The following MAF variants were observed in gnomAD, a reference collection of about 807,000 sequenced individuals.
MAF encodes MAF bZIP transcription factor, also known as transcription factor Maf.
Under a neutral mutation model 22.0 loss-of-function variants are expected in MAF, and 10 were observed. The observed-to-expected ratio is 0.45, with a 90% CI of 0.28 to 0.77. The LOEUF (loss-of-function observed/expected upper bound fraction) is 0.77. Ranked by LOEUF, MAF falls within the 30% of genes least tolerant of loss-of-function variation. The pLI, the probability that MAF is intolerant of heterozygous loss-of-function variation, is 0.12. For synonymous variants in MAF, 337 were observed against 255.8 expected, an observed-to-expected ratio of 1.32 and a Z score of -3.03; for missense variants, 544 against 548.4, an observed-to-expected ratio of 0.99 and a Z score of 0.08.
At chr16:79,578,369 G>T in the MAF span, among the ~76,000 whole-genome samples, 19 of 151,968 alleles carry the variant, frequency 1.3e-4, 1 homozygote, top group African/African-American at 4.6e-4. Flanking sequence ...GAATCCAAAG[G>T]CTAAATGCCC....
the MAF span, among the ~76,000 whole-genome samples, chr16:79,401,180 C>A: frequency 6.6e-6 from 1 of 152,248 alleles, no homozygotes. Flanking sequence ...CCTTGCTCCA[C>A]TGCCTATTCT....
the MAF span, among the ~76,000 whole-genome samples, chr16:79,504,320 C>A: frequency 4.6e-5 from 7 of 152,172 alleles, no homozygotes; most frequent in Non-Finnish European, 8.8e-5. Context: ...ACTACCTGTC[C>A]CCACCACTCA....
the MAF span, among the ~76,000 whole-genome samples, chr16:79,568,118 G>C: frequency 6.6e-6 from 1 of 152,204 alleles, no homozygotes; most frequent in Non-Finnish European, 1.5e-5. Flanking sequence ...GGTGGGGGAA[G>C]AGGGAGTCTG....
At chr16:79,407,224 C>T in the MAF span, among the ~76,000 whole-genome samples, 4 of 152,120 alleles carry the variant, frequency 2.6e-5, no homozygotes, top group Non-Finnish European at 4.4e-5. Context: ...GTGTCCTGGA[C>T]GCGTTGCGCA....
chr16:79,208,364 G>A, the MAF span, among the ~76,000 whole-genome samples: 1 of 139,718 alleles, frequency 7.2e-6, no homozygotes, highest in South Asian at 2.3e-4. Context: ...ACAGGCTTCT[G>A]ATAAATGATT....
the MAF span, among the ~76,000 whole-genome samples, chr16:79,545,547 T>C: frequency 2.6e-5 from 4 of 151,390 alleles, no homozygotes; most frequent in Admixed American, 6.6e-5. Context: ...AAGATTTCAA[T>C]AGAAAATCGT....
chr16:79,368,379 G>T, the MAF span, among the ~76,000 whole-genome samples: 1 of 152,112 alleles, frequency 6.6e-6, no homozygotes. Flanking sequence ...ATCAGGAAAA[G>T]ATCTGAGGCC....
At chr16:79,421,225 C>A in the MAF span, among the ~76,000 whole-genome samples, 1 of 152,240 alleles carries the variant, frequency 6.6e-6, no homozygotes, top group Non-Finnish European at 1.5e-5. Flanking sequence ...CAGGCATCCA[C>A]TGCAGGTCTC....
the MAF span, among the ~76,000 whole-genome samples, chr16:79,479,904 C>T: frequency 3.3e-5 from 5 of 152,164 alleles, no homozygotes; most frequent in African/African-American, 4.8e-5. Context: ...TGAACCAGGC[C>T]TTTACAGCCC....
chr16:79,464,136 G>A, the MAF span, among the ~76,000 whole-genome samples: 9 of 152,144 alleles, frequency 5.9e-5, no homozygotes, highest in African/African-American at 1.9e-4. Flanking sequence ...GAGGAACAAG[G>A]TCTTAAGGCT....
chr16:79,374,835 CA>C, the MAF span, among the ~76,000 whole-genome samples: 2 of 152,210 alleles, frequency 1.3e-5, no homozygotes, highest in Non-Finnish European at 1.5e-5. Context: ...TCAGAAAACA[CA>C]GTCCGTAACA....
chr16:79,595,122 A>AG (rs1261502908), intron 1 of MAF: 5 of 1,013,302 alleles, frequency 4.9e-6, no homozygotes, highest in Non-Finnish European at 4.7e-6. Flanking sequence ...AGTTGTGATG[A>AG]GGAAAAAAAA....
chr16:79,409,977 T>C, the MAF span, among the ~76,000 whole-genome samples: 2 of 152,206 alleles, frequency 1.3e-5, no homozygotes, highest in Non-Finnish European at 2.9e-5. Context: ...CATACCTCTA[T>C]ATTTGAGTCC....
chr16:79,281,253 T>C, the MAF span, among the ~76,000 whole-genome samples: 3 of 146,092 alleles, frequency 2.1e-5, no homozygotes, highest in African/African-American at 5.0e-5. Context: ...TGGAGGGTAA[T>C]GAGCAAAGGG....
the MAF span, among the ~76,000 whole-genome samples, chr16:79,465,028 G>C: frequency 6.6e-6 from 1 of 152,212 alleles, no homozygotes; most frequent in Non-Finnish European, 1.5e-5. Flanking sequence ...TAGTCATCCA[G>C]ATCTCAAACA....
chr16:79,504,751 G>A, the MAF span, among the ~76,000 whole-genome samples: 15 of 152,272 alleles, frequency 9.9e-5, 1 homozygote, highest in African/African-American at 2.6e-4. Flanking sequence ...CTTCAAACCT[G>A]GCAATCTCAT....
the MAF span, among the ~76,000 whole-genome samples, chr16:79,325,707 GC>G: frequency 3.9e-5 from 6 of 152,202 alleles, no homozygotes; most frequent in African/African-American, 1.4e-4. Flanking sequence ...ACTGTTTGAG[GC>G]AGATGTGCAA....
At chr16:79,355,256 G>C in the MAF span, among the ~76,000 whole-genome samples, 7 of 152,206 alleles carry the variant, frequency 4.6e-5, no homozygotes, top group African/African-American at 9.6e-5. Context: ...TTAAAATAGA[G>C]TCTTATCTAT....
At chr16:79,280,923 A>G in the MAF span, among the ~76,000 whole-genome samples, 1 of 152,342 alleles carries the variant, frequency 6.6e-6, no homozygotes, top group East Asian at 1.9e-4. Context: ...TCCTTGATCC[A>G]TTGTCAAAGC....
Sources: gnomAD v4.1 joint callset for allele counts (sites outside exome capture counted in the v4.1 genomes callset) on GRCh38, gnomAD v4.1.1 for gene constraint, MANE v1.5 for transcripts, NCBI Gene and HGNC (gene_info 2026-07-23, HGNC 2026-07-21) for gene names.